The following PCDHA5 variants were observed in gnomAD, a reference collection of about 807,000 sequenced individuals.
PCDHA5 encodes protocadherin alpha 5.
Under a neutral mutation model 61.6 loss-of-function variants are expected in PCDHA5, and 43 were observed. That is an observed-to-expected ratio of 0.70 (90% confidence interval 0.55 to 0.90). The LOEUF (loss-of-function observed/expected upper bound fraction) is 0.90. Among genes scored for constraint, PCDHA5 ranks in the 40% least tolerant of loss-of-function variants. The pLI, the probability that PCDHA5 is intolerant of heterozygous loss-of-function variation, is 0.00. For missense variants in PCDHA5, 1,298 were observed against 1,222.7 expected, an observed-to-expected ratio of 1.06 and a Z score of -0.92; for synonymous variants, 627 against 543.9, an observed-to-expected ratio of 1.15 and a Z score of -2.13.
intron 1 of PCDHA5, chr5:140,869,019 A>G: frequency 1.3e-6 from 2 of 1,525,464 alleles, no homozygotes; most frequent in Non-Finnish European, 8.8e-7. Flanking sequence ...CTTCTTAAGA[A>G]TTCAACGAGA....
intron 1 of PCDHA5, chr5:140,868,990 G>T: frequency 6.6e-7 from 1 of 1,511,604 alleles, no homozygotes; most frequent in Non-Finnish European, 8.8e-7. Flanking sequence ...GGATGCCACC[G>T]TTTAAGGATC....
rs2150124973 is a variant in PCDHA5, at chr5:140,823,356, G to A, written c.1581G>A (p.Val527=). 1.7e-5 allele frequency: 28 copies of A among 1,612,466 alleles called. No individual in the cohort carries two copies. The African/African-American group carries it at 2.8e-4, about 16-fold the overall frequency. ...YALQPLDHEE[V]ELLQFQVSAR... is the part of the protein sequence containing the mutation. ...TGCAGCCGCTGGACCACGAGGAAGT[G>A]GAGCTGCTGCAGTTCCAGGTGAGCG... Residue 527 remains valine, a synonymous_variant, in exon 1 of 4, where the codon GTG becomes GTA. Coordinates refer to ENST00000529859, the MANE Select transcript of PCDHA5 (RefSeq NM_018908.3).
chr5:141,006,379 G>GT (rs2098271047), intron 3 of PCDHA5, among the ~76,000 whole-genome samples: 1 of 151,748 alleles, frequency 6.6e-6, no homozygotes, highest in South Asian at 2.1e-4. Flanking sequence ...GCCCGGCTAA[G>GT]TTTTTTCTAT....
At chr5:140,903,302 T>C (rs1299735621) in intron 1 of PCDHA5, among the ~76,000 whole-genome samples, 2 of 152,136 alleles carry the variant, frequency 1.3e-5, no homozygotes, top group Admixed American at 6.5e-5. Flanking sequence ...AAATTTAGTA[T>C]ACAATAAAGA....
intron 1 of PCDHA5, chr5:140,836,156 G>T: frequency 6.2e-7 from 1 of 1,613,820 alleles, no homozygotes; most frequent in Non-Finnish European, 8.5e-7. Flanking sequence ...GCCATGTGGT[G>T]GCGAAGGTAC....
At chr5:140,892,678 A>G (rs1381127232) in intron 1 of PCDHA5, among the ~76,000 whole-genome samples, 2 of 152,216 alleles carry the variant, frequency 1.3e-5, no homozygotes, top group Middle Eastern at 3.2e-3. Context: ...ACATATATAC[A>G]ATGTATAATA....
chr5:140,829,222 C>T (rs147499647), intron 1 of PCDHA5: 53 of 1,614,100 alleles, frequency 3.3e-5, no homozygotes, highest in Non-Finnish European at 4.4e-5. Flanking sequence ...TGAACGACCT[C>T]GATTCAGGTG....
intron 1 of PCDHA5, chr5:140,834,961 G>A: frequency 6.6e-7 from 1 of 1,524,338 alleles, no homozygotes; most frequent in Non-Finnish European, 8.9e-7. Context: ...AAACCTCTTG[G>A]ACTTGTATTA....
chr5:140,897,701 C>T (rs1161358145), intron 1 of PCDHA5, among the ~76,000 whole-genome samples: 58 of 152,238 alleles, frequency 3.8e-4, no homozygotes, highest in Non-Finnish European at 7.4e-4. Flanking sequence ...TGGGCATATA[C>T]CCAGTAATGG....
chr5:140,849,672 G>A, intron 1 of PCDHA5: 1 of 1,598,650 alleles, frequency 6.3e-7, no homozygotes, highest in Non-Finnish European at 8.6e-7. Flanking sequence ...GACGCCCCAC[G>A]TCCCCTTCAA....
intron 3 of PCDHA5, among the ~76,000 whole-genome samples, chr5:141,000,228 G>C (rs994042672): frequency 3.3e-5 from 5 of 151,306 alleles, no homozygotes; most frequent in Non-Finnish European, 2.9e-5. Context: ...CCTGTGTGGA[G>C]CTGAATGTGG....
intron 1 of PCDHA5, chr5:140,875,168 G>A (rs1554167513): frequency 5.5e-6 from 2 of 364,784 alleles, no homozygotes; most frequent in African/African-American, 4.2e-5. Flanking sequence ...ACCCAAAGTC[G>A]AAACATTAGA....
Position 140,823,603 on chromosome 5 carries a change from C to A in PCDHA5, c.1828C>A (p.Leu610Met), listed in dbSNP as rs2150127370. Residue 610 changes from leucine (L) to methionine (M), a missense_variant, in exon 1 of 4, where the codon CTG becomes ATG. Transcript: ENST00000529859. ...SGYNAWLSYE[L>M]QPAPGSARIP... ...CTACAACGCTTGGCTTTCGTATGAGCTGCAGCCAGCGCCTGGCAGTGCGCG... is the reference window on the plus strand; with the variant it reads ...CTACAACGCTTGGCTTTCGTATGAGATGCAGCCAGCGCCTGGCAGTGCGCG... 2 of 1,614,048 alleles carry A rather than the reference C, an allele frequency of 1.2e-6. No homozygotes were observed. Among genetic ancestry groups the A allele is most frequent in the South Asian group, 2.2e-5 (2 of 91,082 alleles).
At chr5:140,833,463 ATT>A (rs1554133852) in intron 1 of PCDHA5, among the ~76,000 whole-genome samples, 3 of 152,250 alleles carry the variant, frequency 2.0e-5, no homozygotes, top group Non-Finnish European at 4.4e-5. Context: ...ATAAACTTAC[ATT>A]TTAAAAGAAA....
chr5:140,861,413 G>T (rs189790760), intron 1 of PCDHA5: 3 of 474,952 alleles, frequency 6.3e-6, no homozygotes, highest in Non-Finnish European at 1.3e-5. Flanking sequence ...AGCTGATACC[G>T]CGCCTGTTTC....
At chr5:140,972,750 G>A (rs2096554223) in intron 1 of PCDHA5, among the ~76,000 whole-genome samples, 2 of 143,042 alleles carry the variant, frequency 1.4e-5, no homozygotes, top group South Asian at 2.2e-4. Context: ...TGCAACCTCC[G>A]CCTCCCAAGT....
intron 1 of PCDHA5, chr5:140,860,894 C>A (rs1220238688): frequency 1.3e-5 from 2 of 152,314 alleles, no homozygotes; most frequent in African/African-American, 2.4e-5. Context: ...CCCGCCAACA[C>A]GCCAGGCTAA....
At chr5:140,833,462 C>A (rs1291648288) in intron 1 of PCDHA5, among the ~76,000 whole-genome samples, 3 of 152,102 alleles carry the variant, frequency 2.0e-5, no homozygotes, top group Non-Finnish European at 4.4e-5. Context: ...AATAAACTTA[C>A]ATTTTAAAAG....
intron 3 of PCDHA5, 75 bp from the exon 4 acceptor site, chr5:141,009,552 C>T: frequency 6.4e-7 from 1 of 1,562,176 alleles, no homozygotes; most frequent in Non-Finnish European, 8.7e-7. Context: ...TGCAGTACTC[C>T]TGTACTCTAC....
Sources: allele counts gnomAD v4.1 joint callset (sites outside exome capture counted in the v4.1 genomes callset), GRCh38; gene constraint gnomAD v4.1.1; transcripts MANE v1.5; gene names NCBI Gene and HGNC (gene_info 2026-07-23, HGNC 2026-07-21).